Variants in MN1 observed in about 807,000 individuals in gnomAD.
MN1 encodes MN1 proto-oncogene, transcriptional regulator.
Under a neutral mutation model 86.9 loss-of-function variants are expected in MN1, and 19 were observed. The observed-to-expected ratio is 0.22, with a 90% CI of 0.15 to 0.32. The LOEUF is 0.32. MN1 is among the 10% of genes least tolerant of loss of function. The pLI is 1.00. For missense variants in MN1, 1,841 were observed against 1,862.0 expected (o/e 0.99, Z 0.21); for synonymous variants, 928 against 849.6 (o/e 1.09, Z -1.60).
At chr22:27,778,060 C>CAT (rs1029094260) in intron 1 of MN1, among the ~76,000 whole-genome samples, 1 of 152,084 alleles carries the variant, frequency 6.6e-6, no homozygotes, top group African/African-American at 2.4e-5. Flanking sequence ...AACCCGTCAC[C>CAT]ATATATATGC....
At chr22:27,773,003 G>A (rs927327215) in intron 1 of MN1, among the ~76,000 whole-genome samples, 5 of 151,432 alleles carry the variant, frequency 3.3e-5, no homozygotes, top group African/African-American at 9.7e-5. Context: ...TAGCTTTCTC[G>A]GCCTCCCCAA....
At chr22:27,795,382 C>T (rs1196319436) in intron 1 of MN1, among the ~76,000 whole-genome samples, 1 of 152,094 alleles carries the variant, frequency 6.6e-6, no homozygotes, top group Non-Finnish European at 1.5e-5. Context: ...CTTGCCTCCC[C>T]CAGCCCCCAT....
At position 27,797,359 on chromosome 22, in the gene MN1, C is replaced by T; in HGVS notation, c.3185G>A (p.Ser1062Asn). The stretch of plus-strand genomic sequence containing the variant: ...AACTAGTGCCTGGGGGTTGTCAGAG[C>T]TGGACGACACCTCGTCCTCATTGGC... The part of the protein sequence containing the change: ...SYANEDEVSS[S>N]SDNPQALVKA... Residue 1062 changes from serine (S) to asparagine (N), a missense_variant, in exon 1 of 2, where the codon AGC becomes AAC. Coordinates refer to ENST00000302326, the MANE Select transcript of MN1 (RefSeq NM_002430.3). 1 of 1,609,500 alleles carries T rather than the reference C, an allele frequency of 6.2e-7. No homozygotes were observed. Among genetic ancestry groups the T allele is most frequent in the Non-Finnish European group, 8.5e-7 (1 of 1,179,922 alleles).
chr22:27,798,098 T>C lies in MN1; in HGVS notation c.2446A>G (p.Lys816Glu), dbSNP rs1206845311. 1 of 1,611,370 alleles carries C rather than the reference T, an allele frequency of 6.2e-7. No individual in the cohort carries two copies. Among genetic ancestry groups the C allele is most frequent in the Admixed American group, 1.7e-5 (1 of 59,916 alleles). ...SLGSFNKPSS[K>E]DNLFGQSCLA... ...CAGCTCTGGCCGAACAGGTTGTCCT[T>C]GGAGCTGGGCTTGTTGAAGGAGCCC... Residue 816 changes from lysine (K) to glutamate (E), a missense_variant, in exon 1 of 2, where the codon AAG becomes GAG. Physicochemically the swap from Lys to Glu is moderately conservative, Grantham distance 56 (BLOSUM62 1). Coordinates refer to ENST00000302326, the MANE Select transcript of MN1 (RefSeq NM_002430.3).
intron 1 of MN1, among the ~76,000 whole-genome samples, chr22:27,785,753 C>T (rs1006154159): frequency 1.3e-5 from 2 of 150,060 alleles, no homozygotes; most frequent in East Asian, 1.9e-4. Flanking sequence ...TGTGCCCCCC[C>T]CCCATGGCCC....
intron 1 of MN1, among the ~76,000 whole-genome samples, chr22:27,760,421 A>C (rs909082004): frequency 1.3e-5 from 2 of 151,714 alleles, no homozygotes; most frequent in African/African-American, 4.9e-5. Context: ...GTGCAGGAGG[A>C]TCTATTGAGC....
At chr22:27,758,984 C>A (rs1218918315) in intron 1 of MN1, among the ~76,000 whole-genome samples, 1 of 152,194 alleles carries the variant, frequency 6.6e-6, no homozygotes, top group Non-Finnish European at 1.5e-5. Context: ...CGCCACCACG[C>A]CCGGCTAATT....
At chr22:27,792,017 A>G (rs894577755) in intron 1 of MN1, 15 of 152,554 alleles carry the variant, frequency 9.8e-5, no homozygotes, top group African/African-American at 3.6e-4. Context: ...ATATCAGCAC[A>G]GGGTATCAAG....
intron 1 of MN1, among the ~76,000 whole-genome samples, chr22:27,755,736 CA>C (rs1248467232): frequency 6.6e-6 from 1 of 152,198 alleles, no homozygotes; most frequent in Non-Finnish European, 1.5e-5. Context: ...TCACGAGACC[CA>C]CGTTGGATTC....
chr22:27,763,784 C>T (rs1932850092), intron 1 of MN1, among the ~76,000 whole-genome samples: 1 of 152,170 alleles, frequency 6.6e-6, no homozygotes, highest in Admixed American at 6.5e-5. Flanking sequence ...GAGCTCCCAC[C>T]CTATGGGAGA....
At chr22:27,790,604 T>C (rs1933197782) in intron 1 of MN1, among the ~76,000 whole-genome samples, 2 of 151,414 alleles carry the variant, frequency 1.3e-5, no homozygotes, top group South Asian at 4.2e-4. Context: ...CGCCACGTCG[T>C]TGGTACAAAA....
At chr22:27,751,375 GC>G (rs1932763252) in intron 1 of MN1, among the ~76,000 whole-genome samples, 1 of 152,186 alleles carries the variant, frequency 6.6e-6, no homozygotes. Context: ...CTCAGAGTTT[GC>G]CCATCTCTGA....
rs189765612 is a variant in MN1, at chr22:27,749,960, C to T, written c.*955G>A. The T allele has an allele frequency of 1.1e-3, 244 of 232,312 alleles. No homozygotes were observed. The highest frequency in any genetic ancestry group is 4.7e-3 in the African/African-American group (213 of 45,402). 14.4% of individuals were successfully genotyped at this position (232,312 alleles called of 1,614,324 possible). Reference sequence around the variant, plus strand: ...AACAGCCTCCTCCAACTCCAGCACCCAAGGCACGGGCAGCAGCCTTGCTCC... The same window carrying T: ...AACAGCCTCCTCCAACTCCAGCACCTAAGGCACGGGCAGCAGCCTTGCTCC... On this transcript the variant is annotated 3_prime_UTR_variant, in exon 2 of 2. Coordinates refer to ENST00000302326, the MANE Select transcript of MN1 (RefSeq NM_002430.3).
chr22:27,780,206 C>G (rs1171216803), intron 1 of MN1, among the ~76,000 whole-genome samples: 1 of 152,224 alleles, frequency 6.6e-6, no homozygotes, highest in African/African-American at 2.4e-5. Context: ...ACACCCTCCC[C>G]TGGCTCCCGG....
rs117641586 is a variant in MN1 at position 27,758,671 on chromosome 22, C to T, written c.3782-7575G>A. Reference sequence around the variant, plus strand: ...GCTTGGGCAAGTCACTTTCCCTCTCCGAGCCTCACCTTTCTTCTCTGTGAA... The same window carrying T: ...GCTTGGGCAAGTCACTTTCCCTCTCTGAGCCTCACCTTTCTTCTCTGTGAA... On this transcript the variant is annotated intron_variant, in intron 1 of 1. Transcript: ENST00000302326. 3.6e-3 allele frequency among the ~76,000 whole-genome samples: 548 copies of T among 152,242 alleles called. 21 individuals carry two copies. In the East Asian group the frequency reaches 0.086, roughly 24 times the overall value.
At chr22:27,774,246 G>A (rs1932948146) in intron 1 of MN1, among the ~76,000 whole-genome samples, 1 of 152,240 alleles carries the variant, frequency 6.6e-6, no homozygotes, top group Admixed American at 6.5e-5. Flanking sequence ...ATTCCAGACA[G>A]GGCAACAGAG....
At chr22:27,784,841 C>CCT (rs1568978483) in intron 1 of MN1, among the ~76,000 whole-genome samples, 1 of 151,142 alleles carries the variant, frequency 6.6e-6, no homozygotes, top group African/African-American at 2.4e-5. Flanking sequence ...GGCCGGCATT[C>CCT]CTTTTTTTAA....
Position 27,799,917 on chromosome 22 carries a change from G to A in MN1, c.627C>T (p.Ser209=), listed in dbSNP as rs1260604726. ...CCAGACTGTGGGAATCGGAGCCGCT[G>A]GAGGACGGCAGGCCGTGGAAGGAGG... ...RAASFHGLPS[S]SGSDSHSLEP... The change falls in exon 1 of 2, where the codon TCC becomes TCT. Residue 209 remains serine (S), a synonymous_variant. Coordinates refer to ENST00000302326, the MANE Select transcript of MN1 (RefSeq NM_002430.3). 1 of 1,603,298 alleles carries A rather than the reference G, an allele frequency of 6.2e-7. No individual in the cohort carries two copies. The highest frequency in any genetic ancestry group is 1.1e-5 in the South Asian group (1 of 90,328).
rs368391246 is a variant in MN1, at chr22:27,800,048, C to G, written c.496G>C (p.Gly166Arg). The change falls in exon 1 of 2, where the codon GGC becomes CGC. Residue 166 changes from glycine (G) to arginine (R), a missense_variant. Physicochemically the swap from Gly to Arg is moderately radical, Grantham distance 125. Transcript: ENST00000302326. ...MAESQGPESF[G>R]PQRPGNLPDF... The stretch of plus-strand genomic sequence containing the variant: ...GGGAGGTTCCCCGGTCGCTGCGGGC[C>G]GAAGCTCTCAGGCCCCTGGCTCTCC... 3 of 1,601,888 alleles carry G rather than the reference C, an allele frequency of 1.9e-6. No homozygotes were observed. Among genetic ancestry groups the G allele is most frequent in the Non-Finnish European group, 2.5e-6 (3 of 1,179,206 alleles).
Sources: allele counts gnomAD v4.1 joint callset (sites outside exome capture counted in the v4.1 genomes callset), GRCh38; gene constraint gnomAD v4.1.1; transcripts MANE v1.5; gene names NCBI Gene and HGNC (gene_info 2026-07-23, HGNC 2026-07-21).